Variants in KCNH4 observed in about 807,000 individuals in gnomAD.
The protein encoded by KCNH4 is potassium voltage-gated channel subfamily H member 4.
Under a neutral mutation model 90.7 loss-of-function variants are expected in KCNH4, and 33 were observed. The observed-to-expected ratio is 0.36, with a 90% CI of 0.28 to 0.49. The LOEUF (loss-of-function observed/expected upper bound fraction) is 0.49. Among genes scored for constraint, KCNH4 ranks in the 20% least tolerant of loss-of-function variants. KCNH4 has a pLI of 0.98. For missense variants in KCNH4, 1,044 were observed against 1,387.1 expected (o/e 0.75, Z 3.93); for synonymous variants, 551 against 581.7 (o/e 0.95, Z 0.76).
rs1230763075 is a variant in KCNH4 at position 42,163,256 on chromosome 17, T to G, written c.2556A>C (p.Pro852=). The G allele has an allele frequency of 6.2e-7, 1 of 1,614,000 alleles. No homozygotes were observed. ...SFRFSRRPEL[P]RPRSQAPPTG... is the part of the protein sequence containing the mutation. ...TAGGGGGCGCCTGGGAGCGGGGCCT[T>G]GGCAGTTCAGGCCTCCTGCTGAATC... Residue 852 remains proline, a synonymous_variant, in exon 14 of 17, where the codon CCA becomes CCC. Transcript: ENST00000264661. The surrounding 1 kb of genome is among the most constrained non-coding windows in gnomAD (Gnocchi z 5.4).
At position 42,164,122 on chromosome 17, in the gene KCNH4, G is replaced by A. The variant is rs1435453668; in HGVS notation, c.2124+8C>T. ...GCAATTCAACCCCACCCAGGAAGTG[G>A]GTGTTACCTGGGAGAGGCGAGGGGA... On this transcript the variant is annotated splice_region_variant and intron_variant, in intron 12 of 16. Coordinates refer to ENST00000264661, the MANE Select transcript of KCNH4 (RefSeq NM_012285.3). 3 of 1,550,458 alleles carry A rather than the reference G, an allele frequency of 1.9e-6. No homozygotes were observed. Among genetic ancestry groups the A allele is most frequent in the African/African-American group, 1.4e-5 (1 of 73,164 alleles).
In KCNH4 at chr17:42,171,885, C is replaced by T. The variant is rs2079829603; in HGVS notation, c.1098G>A (p.Met366Ile). The T allele has an allele frequency of 6.2e-7, 1 of 1,614,160 alleles. No homozygotes were observed. The highest frequency in any genetic ancestry group is 8.5e-7 in the Non-Finnish European group (1 of 1,180,036). Residue 366 changes from methionine to isoleucine, a missense_variant, in exon 7 of 17, where the codon ATG (methionine) becomes ATA (isoleucine). Met to Ile is a conservative substitution (Grantham distance 10, BLOSUM62 1). Coordinates refer to ENST00000264661, the MANE Select transcript of KCNH4 (RefSeq NM_012285.3). ...AGTGGGCAAGGAGCGCAAAGACCGA[C>T]ATGAGCAGCGTGAGCACCACAGCAC... is the stretch of plus-strand genomic sequence containing the variant. ...QCSAVVLTLL[M>I]SVFALLAHWM... is the part of the protein sequence containing the mutation.
rs1477836217 is a variant in KCNH4 at position 42,180,765 on chromosome 17, C to G, written c.76+105G>C. ...GAGTTCCTAGACCCGCACCTCCATT[C>G]TCTCCCCTCGCCTCGGGTCTCACCA... On this transcript the variant is annotated intron_variant, in intron 1 of 16. Coordinates refer to ENST00000264661, the MANE Select transcript of KCNH4 (RefSeq NM_012285.3). The surrounding 1 kb of genome is among the most constrained non-coding windows in gnomAD (Gnocchi z 4.7). 5 of 1,174,720 alleles carry G rather than the reference C, an allele frequency of 4.3e-6. No individual in the cohort carries two copies. Among genetic ancestry groups the G allele is most frequent in the Non-Finnish European group, 6.3e-6 (5 of 795,528 alleles). The allele number at this position is 1,174,720 out of a possible 1,614,324, so 72.8% of individuals were successfully genotyped here.
rs1419183939 is a variant in KCNH4 at position 42,180,238 on chromosome 17, A to G, written c.76+632T>C. Among the ~76,000 whole-genome samples, 1 of 152,006 alleles carries G rather than the reference A, an allele frequency of 6.6e-6. No homozygotes were observed. Among genetic ancestry groups the G allele is most frequent in the African/African-American group, 2.4e-5 (1 of 41,380 alleles). ...AGGGCGGGGAATCTCTGGGTTCCAG[A>G]GTGGGAAGAGGGAATGGCGGGAGAA... On this transcript the variant is annotated intron_variant, in intron 1 of 16. Coordinates refer to ENST00000264661, the MANE Select transcript of KCNH4 (RefSeq NM_012285.3). The surrounding 1 kb of genome is among the most constrained non-coding windows in gnomAD (Gnocchi z 4.7).
At position 42,176,263 on chromosome 17, in the gene KCNH4, T is replaced by C; in HGVS notation, c.620A>G (p.Tyr207Cys). Reference protein sequence around the residue: ...VFEPKPSVPEYKVASVGGSRC... With the variant: ...VFEPKPSVPECKVASVGGSRC... Reference sequence around the variant, plus strand: ...AGACCCCCCCACGGAGGCCACCTTGTACTCGGGCACTGATGGCTTTGGCTC... The same window carrying C: ...AGACCCCCCCACGGAGGCCACCTTGCACTCGGGCACTGATGGCTTTGGCTC... Residue 207 changes from tyrosine to cysteine, a missense_variant, in exon 5 of 17, where the codon TAC (tyrosine) becomes TGC (cysteine). Coordinates refer to ENST00000264661, the MANE Select transcript of KCNH4 (RefSeq NM_012285.3). The C allele has an allele frequency of 1.2e-6, 2 of 1,613,430 alleles. No individual in the cohort carries two copies. The highest frequency in any genetic ancestry group is 1.7e-6 in the Non-Finnish European group (2 of 1,179,890).
Position 42,163,854 on chromosome 17 carries a change from G to A in KCNH4, c.2229C>T (p.Pro743=). 2.0e-6 allele frequency: 3 copies of A among 1,508,722 alleles called. No individual in the cohort carries two copies. The South Asian group carries it at 3.8e-5, about 19-fold the overall frequency. The allele number at this position is 1,508,722 out of a possible 1,614,324, so 93.5% of individuals were successfully genotyped here. ...CTGGGCTGAGGTTGGGCAGCAGGAG[G>A]GGCCGTCGGGGCCTGGGACCACCCC... ...EPGGGPRPRR[P]LLLPNLSPAR... The change falls in exon 13 of 17, where the codon CCC becomes CCT. Residue 743 remains proline (P), a synonymous_variant. Coordinates refer to ENST00000264661, the MANE Select transcript of KCNH4 (RefSeq NM_012285.3). The surrounding 1 kb of genome is among the most constrained non-coding windows in gnomAD (Gnocchi z 5.4).
In KCNH4 at chr17:42,176,122, T is replaced by C; in HGVS notation, c.761A>G (p.Asp254Gly). Reference sequence around the variant, plus strand: ...GTGTCGCGAAGTGATGGGGGTGTCATCGTCACCCGAGAAACAGACATTGTA... The same window carrying C: ...GTGTCGCGAAGTGATGGGGGTGTCACCGTCACCCGAGAAACAGACATTGTA... Reference protein sequence around the residue: ...VPYNVCFSGDDDTPITSRHTL... With the variant: ...VPYNVCFSGDGDTPITSRHTL... Residue 254 changes from aspartate to glycine, a missense_variant, in exon 5 of 17, where the codon GAT becomes GGT. Physicochemically the swap from Asp to Gly is moderately conservative, Grantham distance 94 (BLOSUM62 -1). This residue lies in a region of KCNH4 where 283 missense variants were observed against 378.6 expected (regional missense o/e 0.75). Coordinates refer to ENST00000264661, the MANE Select transcript of KCNH4 (RefSeq NM_012285.3). The C allele has an allele frequency of 1.2e-6, 2 of 1,613,562 alleles. No homozygotes were observed. Among genetic ancestry groups the C allele is most frequent in the South Asian group, 2.2e-5 (2 of 91,042 alleles).
rs756093013 is a variant in KCNH4 at position 42,178,359 on chromosome 17, G to T, written c.429C>A (p.Pro143=). The T allele has an allele frequency of 6.2e-7, 1 of 1,614,228 alleles. No individual in the cohort carries two copies. Among genetic ancestry groups the T allele is most frequent in the South Asian group, 1.1e-5 (1 of 91,084 alleles). The change falls in exon 3 of 17, where the codon CCC becomes CCA. Residue 143 remains proline, a synonymous_variant. Transcript: ENST00000264661. ...GATTACTGTCCCCGCGGCCTCCTTG[G>T]GGGCCAAGTCCTGGGCTTCCACTCT... ...ITQSGSPGLG[P]QGGRGDSNHE...
rs528588947 is a variant in KCNH4, at chr17:42,171,556, A to G, written c.1195+232T>C. On this transcript the variant is annotated intron_variant, in intron 7 of 16. Transcript: ENST00000264661. ...TTTCCTGCGTTGTACTTTGATCACTATCACTGGTCTTGCTCCCCCACTAGG... is the reference window on the plus strand; with the variant it reads ...TTTCCTGCGTTGTACTTTGATCACTGTCACTGGTCTTGCTCCCCCACTAGG... Among the ~76,000 whole-genome samples the G allele has an allele frequency of 4.6e-5, 7 of 152,174 alleles. No individual in the cohort carries two copies. In the East Asian group the frequency reaches 1.4e-3, roughly 29 times the overall value.
intron 9 of KCNH4, among the ~76,000 whole-genome samples, chr17:42,168,557 T>G (rs1211607488): frequency 6.6e-6 from 1 of 151,916 alleles, no homozygotes; most frequent in Non-Finnish European, 1.5e-5. Context: ...GGCAGAAGAA[T>G]TCCTTGAACC....
intron 6 of KCNH4, among the ~76,000 whole-genome samples, chr17:42,173,681 A>T (rs2079842607): frequency 7.6e-6 from 1 of 132,022 alleles, no homozygotes. Flanking sequence ...CTGGAAGTTT[A>T]GCGATCTGGT....
chr17:42,157,460 G>A (rs1481785539), intron 16 of KCNH4, among the ~76,000 whole-genome samples: 5 of 152,172 alleles, frequency 3.3e-5, no homozygotes, highest in Non-Finnish European at 5.9e-5. Context: ...CTAGCTGGGT[G>A]TCGGGAGATG....
In KCNH4 at chr17:42,166,315, T is replaced by A; in HGVS notation, c.1822A>T (p.Met608Leu). Reference protein sequence around the residue: ...SGSLEVLRDNMVLAILGKGDL... With the variant: ...SGSLEVLRDNLVLAILGKGDL... ...TCCTTACCCAGGATGGCCAGCACCA[T>A]GTTGTCTCGGAGCACCTCAAGCGAG... is the stretch of plus-strand genomic sequence containing the variant. Residue 608 changes from methionine to leucine, a missense_variant, in exon 10 of 17, where the codon ATG becomes TTG. By Grantham distance (15) the Met-to-Leu change is conservative. Coordinates refer to ENST00000264661, the MANE Select transcript of KCNH4 (RefSeq NM_012285.3). The A allele has an allele frequency of 6.2e-7, 1 of 1,607,754 alleles. No homozygotes were observed.
chr17:42,160,331 G>T lies in KCNH4; in HGVS notation c.2763C>A (p.Ser921=). Residue 921 remains serine, a synonymous_variant, in exon 16 of 17, where the codon TCC becomes TCA. Coordinates refer to ENST00000264661, the MANE Select transcript of KCNH4 (RefSeq NM_012285.3). ...RLGPPGHPAG[S]AWTPDPPCPQ... is the part of the protein sequence containing the mutation. ...GACAAGGAGGGTCTGGGGTCCAAGC[G>T]GAGCCTGCTGGGTGGCCTGGGGGAC... 1 of 1,614,106 alleles carries T rather than the reference G, an allele frequency of 6.2e-7. No individual in the cohort carries two copies. The highest frequency in any genetic ancestry group is 8.5e-7 in the Non-Finnish European group (1 of 1,180,006).
chr17:42,172,026 CA>C, intron 6 of KCNH4, 31 bp from the exon 7 acceptor site: 1 of 1,545,660 alleles, frequency 6.5e-7, no homozygotes, highest in Non-Finnish European at 8.8e-7. Flanking sequence ...AGGCTGTCAG[CA>C]GGCACACCTC....
In KCNH4 at chr17:42,170,320, C is replaced by A; in HGVS notation, c.1196-19G>T. 3 of 1,565,358 alleles carry A rather than the reference C, an allele frequency of 1.9e-6. No individual in the cohort carries two copies. The highest frequency in any genetic ancestry group is 1.1e-5 in the South Asian group (1 of 88,346). ...AACCAGCCTGCAGGGTGGACGGATG[C>A]AGGGAGCCCTGGCTGTGCCAGCGGT... On this transcript the variant is annotated intron_variant, in intron 7 of 16. Coordinates refer to ENST00000264661, the MANE Select transcript of KCNH4 (RefSeq NM_012285.3).
chr17:42,175,878 T>C (rs542066929), intron 5 of KCNH4, 142 bp from the exon 6 acceptor site: 83 of 1,261,830 alleles, frequency 6.6e-5, no homozygotes, highest in Admixed American at 4.5e-4. Flanking sequence ...TTAGGGAGGA[T>C]AGGTTACAAG....
Position 42,165,609 on chromosome 17 carries a change from G to C in KCNH4, c.1925C>G (p.Thr642Ser). The C allele has an allele frequency of 6.2e-7, 1 of 1,614,202 alleles. No homozygotes were observed. The highest frequency in any genetic ancestry group is 2.2e-5 in the East Asian group (1 of 44,878). The stretch of plus-strand genomic sequence containing the variant: ...GGTCAGAGCTTTCACATCAGCACTG[G>C]TCTTTAGCACGAAGTTTGGGTCTGC... ...LGADPNFVLK[T>S]SADVKALTYC... Residue 642 changes from threonine to serine, a missense_variant, in exon 11 of 17, where the codon ACC becomes AGC. This residue lies in a region of KCNH4 where 441 missense variants were observed against 512.3 expected (regional missense o/e 0.86). Transcript: ENST00000264661.
In KCNH4 at chr17:42,160,419, T is replaced by C; in HGVS notation, c.2675A>G (p.Gln892Arg). The part of the protein sequence containing the change: ...RLNQEISRLN[Q>R]EVSQLSRELR... ...CTCCCGGCTAAGCTGAGACACCTCCTGATTGAGACGAGAGATCTGTTGAAA... is the reference window on the plus strand; with the variant it reads ...CTCCCGGCTAAGCTGAGACACCTCCCGATTGAGACGAGAGATCTGTTGAAA... The change falls in exon 16 of 17, where the codon CAG becomes CGG. Residue 892 changes from glutamine to arginine, a missense_variant. This residue lies in a region of KCNH4 where 441 missense variants were observed against 512.3 expected (regional missense o/e 0.86). Transcript: ENST00000264661. 6.2e-7 allele frequency: 1 copy of C among 1,602,124 alleles called. No homozygotes were observed. The highest frequency in any genetic ancestry group is 1.1e-5 in the South Asian group (1 of 90,444).
Sources: allele counts gnomAD v4.1 joint callset (sites outside exome capture counted in the v4.1 genomes callset), GRCh38; gene constraint gnomAD v4.1.1; regional missense constraint gnomAD v4.1.1; non-coding constraint Gnocchi (gnomAD v3.1); transcripts MANE v1.5; gene names NCBI Gene and HGNC (gene_info 2026-07-23, HGNC 2026-07-21).